The following CCDC88A variants were observed in gnomAD, a reference collection of about 807,000 sequenced individuals.
CCDC88A encodes coiled-coil and HOOK domain protein 88A, also known as girdin.
A neutral mutation model predicts 234.3 loss-of-function variants in CCDC88A; 54 were observed. The ratio of observed to expected loss-of-function variants is 0.23; its 90% CI spans 0.19 to 0.29. CCDC88A has a LOEUF of 0.29. Among genes scored for constraint, CCDC88A ranks in the 10% least tolerant of loss-of-function variants. CCDC88A has a pLI of 1.00. For synonymous variants in CCDC88A, 753 were observed against 737.8 expected, an observed-to-expected ratio of 1.02 and a Z score of -0.33; for missense variants, 1,832 against 2,123.4, an observed-to-expected ratio of 0.86 and a Z score of 2.70.
At chr2:55,404,246 T>C (rs946363397) in intron 2 of CCDC88A, 2 of 152,216 alleles carry the variant, frequency 1.3e-5, no homozygotes, top group Non-Finnish European at 1.5e-5. Context: ...AATTTAGTCA[T>C]AGAAACTTAC....
chr2:55,392,241 T>G (rs1401973021), intron 2 of CCDC88A, among the ~76,000 whole-genome samples: 1 of 152,226 alleles, frequency 6.6e-6, no homozygotes, highest in Non-Finnish European at 1.5e-5. Context: ...CTACAGTTAT[T>G]TACATCTTGA....
At chr2:55,340,711 C>T (rs1413146683) in intron 12 of CCDC88A, among the ~76,000 whole-genome samples, 2 of 152,228 alleles carry the variant, frequency 1.3e-5, no homozygotes, top group Non-Finnish European at 2.9e-5. Context: ...TCTGAACACG[C>T]TGAAATTATT....
chr2:55,294,404 G>C, intron 31 of CCDC88A: 1 of 907,426 alleles, frequency 1.1e-6, no homozygotes, highest in South Asian at 5.1e-5. Context: ...ATAACACTAA[G>C]TTTATAAGTA....
At chr2:55,304,088 C>T (rs1317448192) in intron 25 of CCDC88A, among the ~76,000 whole-genome samples, 4 of 150,770 alleles carry the variant, frequency 2.7e-5, no homozygotes, top group African/African-American at 7.5e-5. Context: ...GCAGGAGGAT[C>T]GCTTGAGCCC....
At chr2:55,321,115 G>GAAAAAA (rs60858860) in intron 18 of CCDC88A, 4 of 105,964 alleles carry the variant, frequency 3.8e-5, no homozygotes, top group Non-Finnish European at 4.2e-5. Context: ...TCTCAGAGAA[G>GAAAAAA]AAAAAAAAAA....
In CCDC88A at chr2:55,355,668, A is replaced by G; in HGVS notation, c.711T>C (p.Ser237=). The part of the protein sequence containing the change: ...ASSSAQSPCG[S]PGMKRTESRQ... ...GACTTTCTGTTCGCTTCATGCCTGG[A>G]GAACCACAGGGTGACTGTGCAGATG... The change falls in exon 8 of 33, where the codon TCT becomes TCC. Residue 237 remains serine, a synonymous_variant. Coordinates refer to ENST00000436346, the MANE Select transcript of CCDC88A (RefSeq NM_001365480.1). 5 of 1,614,062 alleles carry G rather than the reference A, an allele frequency of 3.1e-6. No homozygotes were observed. Among genetic ancestry groups the G allele is most frequent in the Non-Finnish European group, 4.2e-6 (5 of 1,179,928 alleles).
At chr2:55,355,538 G>A (rs762518848) in intron 8 of CCDC88A, 41 bp downstream of exon 8, 3 of 1,539,262 alleles carry the variant, frequency 1.9e-6, no homozygotes, top group Admixed American at 1.7e-5. Context: ...TCACCTTTGG[G>A]ACCATATAAA....
At chr2:55,369,437 G>T (rs898690484) in intron 5 of CCDC88A, among the ~76,000 whole-genome samples, 3 of 138,424 alleles carry the variant, frequency 2.2e-5, no homozygotes, top group African/African-American at 5.5e-5. Flanking sequence ...TGAATCCTAC[G>T]TTTCAACCAC....
chr2:55,416,514 A>G (rs1413351618), intron 2 of CCDC88A, among the ~76,000 whole-genome samples: 1 of 131,570 alleles, frequency 7.6e-6, no homozygotes, highest in Non-Finnish European at 1.6e-5. Flanking sequence ...AGGAATAATG[A>G]CTGAAACTTT....
At chr2:55,415,407 A>G (rs1261302114) in intron 2 of CCDC88A, among the ~76,000 whole-genome samples, 1 of 152,204 alleles carries the variant, frequency 6.6e-6, no homozygotes, top group African/African-American at 2.4e-5. Context: ...GACAAAATAC[A>G]TAAAACGTTT....
At chr2:55,394,402 G>A (rs539161692) in intron 2 of CCDC88A, 1 of 152,216 alleles carries the variant, frequency 6.6e-6, no homozygotes, top group African/African-American at 2.4e-5. Context: ...ACGTTTGCAT[G>A]TGTCTTTATA....
intron 3 of CCDC88A, among the ~76,000 whole-genome samples, chr2:55,385,208 A>G (rs758759246): frequency 6.6e-6 from 1 of 152,220 alleles, no homozygotes; most frequent in Non-Finnish European, 1.5e-5. Context: ...CATATTTCAG[A>G]TTTCTGAATA....
chr2:55,322,871 A>C, intron 17 of CCDC88A, 179 bp from the exon 18 acceptor site: 1 of 413,998 alleles, frequency 2.4e-6, no homozygotes, highest in East Asian at 3.6e-5. Context: ...TCCTAGAAAT[A>C]TAAAACATAC....
intron 3 of CCDC88A, among the ~76,000 whole-genome samples, chr2:55,378,027 C>T (rs948709218): frequency 3.3e-5 from 5 of 152,132 alleles, no homozygotes; most frequent in Non-Finnish European, 7.3e-5. Context: ...ATGGATCAAC[C>T]GGAAACAACA....
At chr2:55,350,084 A>T (rs1574230204) in intron 8 of CCDC88A, 1 of 152,350 alleles carries the variant, frequency 6.6e-6, no homozygotes, top group African/African-American at 2.4e-5. Context: ...TATGCGGGCT[A>T]ATTTTTTTAT....
At chr2:55,295,282 T>C in intron 31 of CCDC88A, 1 of 1,400,582 alleles carries the variant, frequency 7.1e-7, no homozygotes, top group Non-Finnish European at 9.5e-7. Context: ...TCAGTTATTC[T>C]GATAACTGGC....
Position 55,387,283 on chromosome 2 carries a change from A to C in CCDC88A, c.273+1495T>G, listed in dbSNP as rs147879280. ...GAAAAAAACCCGAAAATACAAGACA[A>C]GAAAAGCTTAAAAGTCATAAAAGAG... On this transcript the variant is annotated intron_variant, in intron 3 of 32. Transcript: ENST00000436346. 1.3e-3 allele frequency among the ~76,000 whole-genome samples: 192 copies of C among 152,172 alleles called. No homozygotes were observed. The East Asian group carries it at 0.023, about 19-fold the overall frequency.
chr2:55,299,884 A>T lies in CCDC88A; in HGVS notation c.4780T>A (p.Ser1594Thr). The T allele has an allele frequency of 6.2e-7, 1 of 1,613,716 alleles. No individual in the cohort carries two copies. Among genetic ancestry groups the T allele is most frequent in the Non-Finnish European group, 8.5e-7 (1 of 1,179,762 alleles). ...GCATTATTATTGCTATTGCTAGTGG[A>T]TGTTCTGCCACTATCAAGGCTGGCT... ...RPASLDSGRT[S>T]TSNSNNNASL... The change falls in exon 29 of 33, where the codon TCC becomes ACC. Residue 1594 changes from serine (S) to threonine (T), a missense_variant. By Grantham distance (58) the Ser-to-Thr change is moderately conservative. This residue lies in a region of CCDC88A where 422 missense variants were observed against 416.5 expected (regional missense o/e 1.01). Transcript: ENST00000436346.
At position 55,355,894 on chromosome 2, in the gene CCDC88A, T is replaced by C. The variant is rs752715428; in HGVS notation, c.628-143A>G. 2.6e-4 allele frequency: 157 copies of C among 597,452 alleles called. 1 individual carries two copies. The highest frequency in any genetic ancestry group is 3.8e-4 in the Non-Finnish European group (135 of 353,702). 37.0% of individuals were successfully genotyped at this position (597,452 alleles called of 1,614,324 possible). A position where few individuals can be genotyped will look rare whatever the true frequency, so the allele number is the denominator to read the frequency against. ...AAACATCTTAACTATCATATTTAGT[T>C]GTCATTCTTAACTTTCATTCAACAG... On this transcript the variant is annotated intron_variant, in intron 7 of 32. Transcript: ENST00000436346.
Sources: allele counts gnomAD v4.1 joint callset (sites outside exome capture counted in the v4.1 genomes callset), GRCh38; gene constraint gnomAD v4.1.1; regional missense constraint gnomAD v4.1.1; transcripts MANE v1.5; gene names NCBI Gene and HGNC (gene_info 2026-07-23, HGNC 2026-07-21).